Variants in NCAN observed in about 807,000 individuals in gnomAD.
NCAN encodes neurocan.
In NCAN, 47 loss-of-function variants were observed where a neutral mutation model predicts 121.8. The ratio of observed to expected loss-of-function variants is 0.39; its 90% CI spans 0.31 to 0.49. NCAN has a LOEUF of 0.49. NCAN is among the 20% of genes least tolerant of loss of function. The pLI, the probability that NCAN is intolerant of heterozygous loss-of-function variation, is 0.92. For missense variants in NCAN, 1,517 were observed against 1,773.4 expected (o/e 0.86, Z 2.60); for synonymous variants, 633 against 702.0 (o/e 0.90, Z 1.55).
rs549194618 is a variant in NCAN, at chr19:19,238,969, G to A, written c.3409+558G>A. On this transcript the variant is annotated intron_variant, in intron 11 of 14. Transcript: ENST00000252575. ...TTCTGCTCATCCATCCATTTATTCT[G>A]TTTATTCCGTTTGCCACCATCCCAT... 1.1e-4 allele frequency among the ~76,000 whole-genome samples: 17 copies of A among 152,182 alleles called. No individual in the cohort carries two copies. The South Asian group carries it at 3.1e-3, about 28-fold the overall frequency.
intron 8 of NCAN, among the ~76,000 whole-genome samples, chr19:19,232,150 G>A (rs2060862380): frequency 6.6e-6 from 1 of 152,118 alleles, no homozygotes; most frequent in South Asian, 2.1e-4. Flanking sequence ...GGAAACGGGG[G>A]TTGGAGCTGC....
At chr19:19,217,969 A>T (rs528998409) in intron 2 of NCAN, among the ~76,000 whole-genome samples, 3 of 148,168 alleles carry the variant, frequency 2.0e-5, no homozygotes, top group Admixed American at 6.7e-5. Context: ...CCTGGGTGAC[A>T]GAGTCAGACT....
chr19:19,226,839 A>C lies in NCAN; in HGVS notation c.1426A>C (p.Met476Leu). ...SHTEVAPTDP[M>L]PRRRGRFKGL... ...CACGGAGGTGGCCCCAACTGACCCTATGCCTAGGAGAAGGGGGCGCTTCAA... is the reference window on the plus strand; with the variant it reads ...CACGGAGGTGGCCCCAACTGACCCTCTGCCTAGGAGAAGGGGGCGCTTCAA... Residue 476 changes from methionine (M) to leucine (L), a missense_variant, in exon 7 of 15, where the codon ATG becomes CTG. Physicochemically the swap from Met to Leu is conservative, Grantham distance 15 (BLOSUM62 2). Transcript: ENST00000252575. 1 of 1,613,202 alleles carries C rather than the reference A, an allele frequency of 6.2e-7. No individual in the cohort carries two copies. The highest frequency in any genetic ancestry group is 1.1e-5 in the South Asian group (1 of 91,090).
At chr19:19,220,672 T>G (rs558320696) in intron 3 of NCAN, among the ~76,000 whole-genome samples, 124 of 152,210 alleles carry the variant, frequency 8.1e-4, no homozygotes, top group African/African-American at 2.8e-3. Context: ...TTAGCCAGGA[T>G]GGTCTTGATC....
In NCAN at chr19:19,226,759, G is replaced by A. The variant is rs763430819; in HGVS notation, c.1346G>A (p.Ser449Asn). The A allele has an allele frequency of 3.1e-6, 5 of 1,613,280 alleles. No individual in the cohort carries two copies. The Admixed American group carries it at 8.3e-5, about 27-fold the overall frequency. ...TGGCCCACTGGGGAAGTGTGGCTAA[G>A]CACGGTGGCCCCCAGCCCTAGCGAC... is the stretch of plus-strand genomic sequence containing the variant. ...ASWPTGEVWL[S>N]TVAPSPSDMG... The change falls in exon 7 of 15, where the codon AGC (serine) becomes AAC (asparagine). Residue 449 changes from serine (S) to asparagine (N), a missense_variant. Transcript: ENST00000252575.
Position 19,225,240 on chromosome 19 carries a change from G to C in NCAN, c.1042G>C (p.Ala348Pro). Residue 348 changes from alanine (A) to proline (P), a missense_variant, in exon 6 of 15, where the codon GCC becomes CCC. Physicochemically the swap from Ala to Pro is conservative, Grantham distance 27. Transcript: ENST00000252575. The surrounding 1 kb of genome is among the most constrained non-coding windows in gnomAD (Gnocchi z 4.0). ...FANRTGFPSP[A>P]ERFDAYCFRA... is the part of the protein sequence containing the mutation. ...TAACCGGACCGGCTTCCCCTCACCC[G>C]CCGAGCGCTTCGACGCCTACTGCTT... The C allele has an allele frequency of 6.4e-7, 1 of 1,561,270 alleles. No individual in the cohort carries two copies. The highest frequency in any genetic ancestry group is 8.6e-7 in the Non-Finnish European group (1 of 1,164,794).
chr19:19,220,534 C>G (rs1312528122), intron 3 of NCAN, among the ~76,000 whole-genome samples: 1 of 133,228 alleles, frequency 7.5e-6, no homozygotes, highest in African/African-American at 2.8e-5. Context: ...CTCAACTCAT[C>G]GCCAGCTCTG....
chr19:19,224,498 A>G (rs2238673), intron 5 of NCAN, 65 bp downstream of exon 5: 75,171 of 1,557,618 alleles, frequency 0.048, 2,308 homozygotes, highest in East Asian at 0.12. Flanking sequence ...ATTCTCCCCA[A>G]CTCCCATCCT....
chr19:19,235,293 G>A (rs1163682084), intron 10 of NCAN, among the ~76,000 whole-genome samples, 197 bp downstream of exon 10: 1 of 152,048 alleles, frequency 6.6e-6, no homozygotes, highest in Non-Finnish European at 1.5e-5. Flanking sequence ...TTTTTGAGAT[G>A]GAATCTTGCT....
At chr19:19,220,611 C>G (rs1032664634) in intron 3 of NCAN, among the ~76,000 whole-genome samples, 2 of 152,044 alleles carry the variant, frequency 1.3e-5, no homozygotes, top group Non-Finnish European at 2.9e-5. Context: ...GCGCCCGCCA[C>G]AGCGCCTGGC....
chr19:19,229,941 G>A (rs1173691052), intron 8 of NCAN, among the ~76,000 whole-genome samples: 1 of 152,164 alleles, frequency 6.6e-6, no homozygotes, highest in Non-Finnish European at 1.5e-5. Context: ...TAGCCAGGCT[G>A]CAGTGAGCTA....
intron 8 of NCAN, among the ~76,000 whole-genome samples, chr19:19,232,438 G>C (rs559864890): frequency 6.6e-6 from 1 of 152,368 alleles, no homozygotes; most frequent in Non-Finnish European, 1.5e-5. Flanking sequence ...GTGCACACAC[G>C]TGCAGGGCCG....
At chr19:19,235,145 T>G in intron 10 of NCAN, 49 bp downstream of exon 10, 1 of 1,323,892 alleles carries the variant, frequency 7.6e-7, no homozygotes, top group Non-Finnish European at 1.1e-6. Context: ...TGGGGTTGGG[T>G]GCCCAGCCAC....
chr19:19,239,845 C>T (rs2060896726), intron 11 of NCAN, among the ~76,000 whole-genome samples: 1 of 141,782 alleles, frequency 7.1e-6, no homozygotes, highest in African/African-American at 2.7e-5. Context: ...CTTCCCCCTC[C>T]TCCCTCCAAC....
intron 3 of NCAN, among the ~76,000 whole-genome samples, chr19:19,223,166 C>T (rs1222164028): frequency 6.6e-6 from 1 of 151,566 alleles, no homozygotes; most frequent in Non-Finnish European, 1.5e-5. Flanking sequence ...TAAAAAAGAA[C>T]CACATTTGGT....
chr19:19,219,952 A>T (rs1177826911), intron 3 of NCAN, among the ~76,000 whole-genome samples: 2 of 151,344 alleles, frequency 1.3e-5, no homozygotes, highest in Non-Finnish European at 2.9e-5. Flanking sequence ...GCTTGAACCC[A>T]GAAGGTGGAG....
intron 13 of NCAN, among the ~76,000 whole-genome samples, chr19:19,247,577 G>A (rs1463455069): frequency 6.6e-6 from 1 of 151,108 alleles, no homozygotes; most frequent in Non-Finnish European, 1.5e-5. Flanking sequence ...TTTTTGTAGA[G>A]ACAGGGTCTT....
intron 3 of NCAN, among the ~76,000 whole-genome samples, chr19:19,221,576 AT>A (rs550608799): frequency 1.1e-4 from 17 of 151,884 alleles, no homozygotes; most frequent in African/African-American, 3.9e-4. Context: ...CTTAAAAATA[AT>A]AATAATAATA....
intron 11 of NCAN, 138 bp downstream of exon 11, chr19:19,238,549 CCTGA>C: frequency 1.0e-6 from 1 of 966,914 alleles, no homozygotes; most frequent in Non-Finnish European, 1.6e-6. Flanking sequence ...TAACGCAAGC[CCTGA>C]CTGCTTCTTA....
Sources: allele counts gnomAD v4.1 joint callset (sites outside exome capture counted in the v4.1 genomes callset), GRCh38; gene constraint gnomAD v4.1.1; non-coding constraint Gnocchi (gnomAD v3.1); transcripts MANE v1.5; gene names NCBI Gene and HGNC (gene_info 2026-07-23, HGNC 2026-07-21).